Variants in HTR1F observed in about 807,000 individuals in gnomAD.
HTR1F encodes 5-hydroxytryptamine receptor 1F, also known as 5-hydroxytryptamine (serotonin) receptor 1F, G protein-coupled.
Under a neutral mutation model 24.0 loss-of-function variants are expected in HTR1F, and 17 were observed. The ratio of observed to expected loss-of-function variants is 0.71; its 90% CI spans 0.48 to 1.06. The LOEUF (loss-of-function observed/expected upper bound fraction) is 1.06. HTR1F is among the 50% of genes least tolerant of loss of function. The probability of loss-of-function intolerance (pLI) is 0.00; values close to 1 mark genes in which losing one functional copy is unlikely to be tolerated. For missense variants in HTR1F, 391 were observed against 427.8 expected (o/e 0.91, Z 0.76); for synonymous variants, 186 against 156.8 (o/e 1.19, Z -1.39).
At chr3:87,953,529 C>CAAA (rs143677828) in intron 2 of HTR1F, among the ~76,000 whole-genome samples, 38,196 of 142,666 alleles carry the variant, frequency 0.27, 5,151 homozygotes, top group African/African-American at 0.37. Context: ...ACCAAAAGGA[C>CAAA]AAAAAAAAAA....
At chr3:87,842,526 A>G (rs971166519) in intron 2 of HTR1F, among the ~76,000 whole-genome samples, 4 of 151,924 alleles carry the variant, frequency 2.6e-5, no homozygotes, top group African/African-American at 4.9e-5. Flanking sequence ...CTCACGAGCT[A>G]TATTAGATTT....
chr3:87,893,369 GTGCTTA>G (rs1394437279), intron 2 of HTR1F, among the ~76,000 whole-genome samples: 2 of 152,066 alleles, frequency 1.3e-5, no homozygotes, highest in East Asian at 3.9e-4. Flanking sequence ...CTACAGTTAT[GTGCTTA>G]ATTTACAATG....
At chr3:87,895,134 T>G (rs1272728172) in intron 2 of HTR1F, among the ~76,000 whole-genome samples, 1 of 152,186 alleles carries the variant, frequency 6.6e-6, no homozygotes, top group Non-Finnish European at 1.5e-5. Flanking sequence ...AGATGTAGGT[T>G]TGCCTTTTAC....
intron 2 of HTR1F, among the ~76,000 whole-genome samples, chr3:87,940,737 C>A (rs1160800014): frequency 2.0e-5 from 3 of 152,198 alleles, no homozygotes; most frequent in African/African-American, 4.8e-5. Context: ...TACAAGGCTG[C>A]AGTAACCAAA....
intron 2 of HTR1F, among the ~76,000 whole-genome samples, chr3:87,963,419 T>C (rs1240010602): frequency 2.6e-5 from 4 of 152,156 alleles, no homozygotes; most frequent in African/African-American, 7.2e-5. Flanking sequence ...ATGTGCCTAA[T>C]TGCCTAAACA....
intron 2 of HTR1F, among the ~76,000 whole-genome samples, chr3:87,967,716 T>C (rs1705197977): frequency 6.6e-6 from 1 of 152,178 alleles, no homozygotes. Flanking sequence ...ATGGAAGACA[T>C]GCCTTTCACC....
At chr3:87,902,564 G>A (rs962597842) in intron 2 of HTR1F, among the ~76,000 whole-genome samples, 1 of 152,070 alleles carries the variant, frequency 6.6e-6, no homozygotes, top group African/African-American at 2.4e-5. Flanking sequence ...ATACAGCTAA[G>A]AATTTCTTTT....
chr3:87,842,764 C>T (rs1034497363), intron 2 of HTR1F, among the ~76,000 whole-genome samples: 2 of 151,890 alleles, frequency 1.3e-5, no homozygotes, highest in African/African-American at 4.9e-5. Context: ...TTAAGACTTG[C>T]TTTTTATAAA....
chr3:87,992,530 A>G lies in HTR1F; in HGVS notation c.*680A>G, dbSNP rs143654627. 6.0e-6 allele frequency: 1 copy of G among 167,158 alleles called. No homozygotes were observed. Among genetic ancestry groups the G allele is most frequent in the Non-Finnish European group, 1.5e-5 (1 of 68,088 alleles). 10.4% of individuals were successfully genotyped at this position (167,158 alleles called of 1,614,324 possible). A position where few individuals can be genotyped will look rare whatever the true frequency, so the allele number is the denominator to read the frequency against. On this transcript the variant is annotated 3_prime_UTR_variant, in exon 3 of 3. Transcript: ENST00000319595. ...ATGTTTGATATAAACTTCTAGAATA[A>G]TATTATCTTATCCTTATATTATCAG...
At chr3:87,857,634 A>G (rs1412351862) in intron 2 of HTR1F, among the ~76,000 whole-genome samples, 2 of 152,112 alleles carry the variant, frequency 1.3e-5, no homozygotes, top group Non-Finnish European at 2.9e-5. Flanking sequence ...AAAGGAAGGT[A>G]CAGAGATTTC....
At chr3:87,869,454 T>TGATA (rs4038036) in intron 2 of HTR1F, among the ~76,000 whole-genome samples, 1,757 of 124,716 alleles carry the variant, frequency 0.014, 18 homozygotes, top group Non-Finnish European at 0.016. Context: ...GATAGATAGA[T>TGATA]GATAGATAGA....
intron 2 of HTR1F, among the ~76,000 whole-genome samples, chr3:87,849,484 A>T (rs1042735359): frequency 6.6e-6 from 1 of 151,986 alleles, no homozygotes; most frequent in African/African-American, 2.4e-5. Context: ...CTTACATGTT[A>T]GACCTAAAAC....
intron 2 of HTR1F, among the ~76,000 whole-genome samples, chr3:87,850,921 T>A (rs1705072367): frequency 6.6e-6 from 1 of 151,614 alleles, no homozygotes. Flanking sequence ...AGTTTTTTAT[T>A]TACCTAAATT....
intron 2 of HTR1F, among the ~76,000 whole-genome samples, chr3:87,888,903 T>C (rs897036184): frequency 6.6e-6 from 1 of 152,206 alleles, no homozygotes; most frequent in African/African-American, 2.4e-5. Context: ...TGCTATAGTT[T>C]GGATGTTTGT....
chr3:87,907,726 C>CTG (rs1451487681), intron 2 of HTR1F, among the ~76,000 whole-genome samples: 3 of 151,824 alleles, frequency 2.0e-5, no homozygotes, highest in Admixed American at 2.0e-4. Context: ...CTTAAATAGA[C>CTG]TGGAGGCAAT....
intron 2 of HTR1F, among the ~76,000 whole-genome samples, chr3:87,833,105 A>G (rs1704616615): frequency 6.6e-6 from 1 of 152,128 alleles, no homozygotes; most frequent in Non-Finnish European, 1.5e-5. Context: ...TGCAAAGGAT[A>G]ACACTCTGTT....
chr3:87,925,058 TTC>T (rs1237478406), intron 2 of HTR1F, among the ~76,000 whole-genome samples: 1 of 148,338 alleles, frequency 6.7e-6, no homozygotes, highest in Non-Finnish European at 1.5e-5. Context: ...GTTTTATTCA[TTC>T]TTTTTTTTTT....
rs112740853 is a variant in HTR1F, at chr3:87,943,467, C to G, written c.-42-47241C>G. Among the ~76,000 whole-genome samples the G allele has an allele frequency of 4.0e-4, 61 of 152,028 alleles. 1 individual carries two copies. Among genetic ancestry groups the G allele is most frequent in the African/African-American group, 1.4e-3 (59 of 41,448 alleles). On this transcript the variant is annotated intron_variant, in intron 2 of 2. Coordinates refer to ENST00000319595, the MANE Select transcript of HTR1F (RefSeq NM_001322209.2). ...CTCTGGCTGGGCCAAATTCTCCTCT[C>G]TCACTGCTTGGAGGGGGCATAATCG...
chr3:87,933,135 C>A (rs1342478323), intron 2 of HTR1F, among the ~76,000 whole-genome samples: 1 of 151,856 alleles, frequency 6.6e-6, no homozygotes, highest in Non-Finnish European at 1.5e-5. Flanking sequence ...CAGAAAAGGC[C>A]TTTCACAAAA....
Sources: allele counts gnomAD v4.1 joint callset (sites outside exome capture counted in the v4.1 genomes callset), GRCh38; gene constraint gnomAD v4.1.1; transcripts MANE v1.5; gene names NCBI Gene and HGNC (gene_info 2026-07-23, HGNC 2026-07-21).